Variants in NAA35 observed in about 807,000 individuals in gnomAD.
NAA35 encodes MAK10 homolog, amino-acid N-acetyltransferase subunit.
A neutral mutation model predicts 101.7 loss-of-function variants in NAA35; 18 were observed. The ratio of observed to expected loss-of-function variants is 0.18; its 90% CI spans 0.12 to 0.26. The LOEUF (loss-of-function observed/expected upper bound fraction) is 0.26, where lower values mean the gene tolerates loss of function less well. Among genes scored for constraint, NAA35 ranks in the 10% least tolerant of loss-of-function variants. The probability of loss-of-function intolerance (pLI) is 1.00; values close to 1 mark genes in which losing one functional copy is unlikely to be tolerated. For synonymous variants in NAA35, 267 were observed against 273.1 expected, an observed-to-expected ratio of 0.98 and a Z score of 0.22; for missense variants, 601 against 886.8, an observed-to-expected ratio of 0.68 and a Z score of 4.09.
intron 6 of NAA35, among the ~76,000 whole-genome samples, chr9:85,971,739 A>G (rs1419381919): frequency 1.3e-5 from 2 of 152,206 alleles, no homozygotes; most frequent in Non-Finnish European, 2.9e-5. Context: ...TGCTTAGACC[A>G]AAACCCTAAA....
chr9:85,993,665 G>T (rs538957415), intron 11 of NAA35, among the ~76,000 whole-genome samples: 1 of 152,030 alleles, frequency 6.6e-6, no homozygotes, highest in East Asian at 1.9e-4. Context: ...TGTGAATTGC[G>T]CCTCAATAAA....
chr9:86,007,434 C>T lies in NAA35; in HGVS notation c.1193C>T (p.Ser398Phe). ...MQDMVKDALR[S>F]FVSPPVLSPK... ...GACATGGTGAAAGATGCACTTCGGTCTTTTGTCAGTCCTCCGGTGCTTTCC... is the reference window on the plus strand; with the variant it reads ...GACATGGTGAAAGATGCACTTCGGTTTTTTGTCAGTCCTCCGGTGCTTTCC... Residue 398 changes from serine (S) to phenylalanine (F), a missense_variant, in exon 14 of 23, where the codon TCT becomes TTT. This residue lies in a region of NAA35 where 190 missense variants were observed against 223.1 expected (regional missense o/e 0.85). Transcript: ENST00000361671. The T allele has an allele frequency of 6.2e-7, 1 of 1,613,598 alleles. No homozygotes were observed. The highest frequency in any genetic ancestry group is 8.5e-7 in the Non-Finnish European group (1 of 1,179,636).
At chr9:86,021,438 G>A (rs1043478466) in intron 22 of NAA35, among the ~76,000 whole-genome samples, 3 of 152,134 alleles carry the variant, frequency 2.0e-5, no homozygotes, top group Admixed American at 6.5e-5. Context: ...GGCCAGCCGC[G>A]GAGGCACCGT....
At chr9:85,946,916 C>T (rs1828791707) in intron 2 of NAA35, among the ~76,000 whole-genome samples, 1 of 152,066 alleles carries the variant, frequency 6.6e-6, no homozygotes, top group African/African-American at 2.4e-5. Context: ...TTTCTCTTGC[C>T]TCTTGTAAAA....
At chr9:85,966,365 A>G (rs977205641) in intron 6 of NAA35, among the ~76,000 whole-genome samples, 1 of 152,208 alleles carries the variant, frequency 6.6e-6, no homozygotes, top group African/African-American at 2.4e-5. Context: ...AGATACAAAG[A>G]TAAGACAATT....
intron 2 of NAA35, among the ~76,000 whole-genome samples, chr9:85,944,246 A>C (rs950251218): frequency 2.0e-5 from 3 of 152,218 alleles, no homozygotes; most frequent in Admixed American, 6.5e-5. Flanking sequence ...CAGAGCTTCT[A>C]CTTTAGAGAA....
chr9:85,996,332 A>T, intron 11 of NAA35, 67 bp from the exon 12 acceptor site: 3 of 1,045,658 alleles, frequency 2.9e-6, no homozygotes, highest in Non-Finnish European at 4.2e-6. Context: ...TTTTATATTT[A>T]ATAACATTTG....
chr9:85,978,535 T>C (rs964965014), intron 11 of NAA35, among the ~76,000 whole-genome samples, 154 bp downstream of exon 11: 2 of 152,210 alleles, frequency 1.3e-5, no homozygotes, highest in Middle Eastern at 3.2e-3. Flanking sequence ...TCTGTAAATA[T>C]ATACTAGACT....
intron 20 of NAA35, 74 bp downstream of exon 20, chr9:86,018,469 G>A: frequency 6.7e-7 from 1 of 1,493,354 alleles, no homozygotes; most frequent in Non-Finnish European, 9.1e-7. Flanking sequence ...TTTGTACCTA[G>A]CCATCTTGTT....
chr9:86,016,051 CTT>C (rs1260047830), intron 17 of NAA35, among the ~76,000 whole-genome samples: 1 of 151,368 alleles, frequency 6.6e-6, no homozygotes, highest in African/African-American at 2.4e-5. Context: ...GATTTGAAGA[CTT>C]TTCTGGCTTA....
chr9:85,968,254 A>G (rs1829847568), intron 6 of NAA35, among the ~76,000 whole-genome samples: 1 of 152,204 alleles, frequency 6.6e-6, no homozygotes, highest in Admixed American at 6.5e-5. Context: ...CCTGTCACCC[A>G]GGCTGGAGTT....
chr9:86,019,057 A>G (rs1381092709), intron 21 of NAA35, among the ~76,000 whole-genome samples: 1 of 152,240 alleles, frequency 6.6e-6, no homozygotes, highest in Non-Finnish European at 1.5e-5. Context: ...AGTCAATGCA[A>G]AGACAAATTA....
chr9:86,013,863 C>A lies in NAA35; in HGVS notation c.1534C>A (p.Leu512Ile). The A allele has an allele frequency of 6.2e-7, 1 of 1,613,866 alleles. No individual in the cohort carries two copies. Among genetic ancestry groups the A allele is most frequent in the Non-Finnish European group, 8.5e-7 (1 of 1,179,784 alleles). Reference sequence around the variant, plus strand: ...CCTTCTAAGTGGCTTTGAATTGGAACTCTACAGTATGCACGAGTACTATTA... The same window carrying A: ...CCTTCTAAGTGGCTTTGAATTGGAAATCTACAGTATGCACGAGTACTATTA... ...QYLLSGFELELYSMHEYYYIY... is the reference protein window; with the variant it reads ...QYLLSGFELEIYSMHEYYYIY... The change falls in exon 17 of 23, where the codon CTC becomes ATC. Residue 512 changes from leucine to isoleucine, a missense_variant. Physicochemically the swap from Leu to Ile is conservative, Grantham distance 5. Coordinates refer to ENST00000361671, the MANE Select transcript of NAA35 (RefSeq NM_024635.4).
At chr9:85,949,380 C>T (rs1828910807) in intron 2 of NAA35, among the ~76,000 whole-genome samples, 1 of 151,792 alleles carries the variant, frequency 6.6e-6, no homozygotes, top group African/African-American at 2.4e-5. Context: ...CCGCAACCTC[C>T]ACCTCCCAGG....
At chr9:85,961,556 G>A (rs1315641949) in intron 5 of NAA35, among the ~76,000 whole-genome samples, 3 of 152,100 alleles carry the variant, frequency 2.0e-5, no homozygotes, top group African/African-American at 7.2e-5. Flanking sequence ...CTCTAGTTGG[G>A]GGTATTAAAT....
chr9:86,003,334 A>G (rs1831495748), intron 12 of NAA35, among the ~76,000 whole-genome samples: 1 of 152,214 alleles, frequency 6.6e-6, no homozygotes, highest in Non-Finnish European at 1.5e-5. Flanking sequence ...TGGTATACAA[A>G]TTTAATATTG....
chr9:85,971,043 C>T lies in NAA35; in HGVS notation c.517-3924C>T, dbSNP rs529261764. Among the ~76,000 whole-genome samples the T allele has an allele frequency of 1.7e-4, 26 of 152,314 alleles. No individual in the cohort carries two copies. In the South Asian group the frequency reaches 5.4e-3, roughly 32 times the overall value. On this transcript the variant is annotated intron_variant, in intron 6 of 22. Transcript: ENST00000361671. The stretch of plus-strand genomic sequence containing the variant: ...ACTTGTGTTGCATTACTAGGCTCTC[C>T]TTCACTACTCGCTTACTCTTATTGG...
intron 12 of NAA35, among the ~76,000 whole-genome samples, 162 bp downstream of exon 12, chr9:85,996,739 G>A (rs1432777761): frequency 6.6e-6 from 1 of 152,138 alleles, no homozygotes; most frequent in East Asian, 1.9e-4. Flanking sequence ...TATTTTCTGT[G>A]ATAGCTAGAG....
At chr9:86,017,285 T>A (rs957760178) in intron 18 of NAA35, among the ~76,000 whole-genome samples, 1 of 152,258 alleles carries the variant, frequency 6.6e-6, no homozygotes, top group Non-Finnish European at 1.5e-5. Flanking sequence ...TACTTTATAC[T>A]GGAATTTTAT....
Sources: gnomAD v4.1 joint callset for allele counts (sites outside exome capture counted in the v4.1 genomes callset) on GRCh38, gnomAD v4.1.1 for gene constraint, gnomAD v4.1.1 regional missense constraint, MANE v1.5 for transcripts, NCBI Gene and HGNC (gene_info 2026-07-23, HGNC 2026-07-21) for gene names.